The following ALDH7A1 variants were observed in gnomAD, a reference collection of about 807,000 sequenced individuals.
ALDH7A1 encodes alpha-aminoadipic semialdehyde dehydrogenase.
In ALDH7A1, 63 loss-of-function variants were observed where a neutral mutation model predicts 79.9. The ratio of observed to expected loss-of-function variants is 0.79; its 90% CI spans 0.64 to 0.97. The LOEUF is 0.97. Ranked by LOEUF, ALDH7A1 falls within the 50% of genes least tolerant of loss-of-function variation. ALDH7A1 has a pLI of 0.00. For missense variants in ALDH7A1, 627 were observed against 665.2 expected (o/e 0.94, Z 0.63); for synonymous variants, 240 against 231.2 (o/e 1.04, Z -0.34).
At chr5:126,572,723 T>C (rs1022985622) in intron 7 of ALDH7A1, among the ~76,000 whole-genome samples, 1 of 152,214 alleles carries the variant, frequency 6.6e-6, no homozygotes, top group Non-Finnish European at 1.5e-5. Context: ...AGATTTTGGT[T>C]TCTGTGGGGC....
At chr5:126,564,314 T>C (rs1213147710) in intron 9 of ALDH7A1, 3 of 298,984 alleles carry the variant, frequency 1.0e-5, no homozygotes, top group Non-Finnish European at 1.8e-5. Context: ...CCTAGCTAAT[T>C]TTTTTGTATT....
intron 4 of ALDH7A1, 90 bp from the exon 5 acceptor site, chr5:126,583,064 T>C: frequency 6.8e-7 from 1 of 1,470,760 alleles, no homozygotes; most frequent in South Asian, 1.2e-5. Flanking sequence ...AAACATGTTT[T>C]GTAAATGTAA....
chr5:126,573,758 T>C (rs1391734894), intron 7 of ALDH7A1, among the ~76,000 whole-genome samples: 1 of 150,904 alleles, frequency 6.6e-6, no homozygotes, highest in Non-Finnish European at 1.5e-5. Context: ...TCCCAGCTAC[T>C]TGGGAGGTTG....
chr5:126,575,566 C>CTGCT, intron 6 of ALDH7A1, 102 bp from the exon 7 acceptor site: 1 of 1,059,372 alleles, frequency 9.4e-7, no homozygotes. Flanking sequence ...AGAAAAAGCT[C>CTGCT]TGTCCAATTA....
chr5:126,589,783 G>A (rs1375435805), intron 3 of ALDH7A1, among the ~76,000 whole-genome samples: 1 of 150,816 alleles, frequency 6.6e-6, no homozygotes, highest in Admixed American at 6.6e-5. Flanking sequence ...GGGAAGTGAG[G>A]AGCGCCTCTG....
chr5:126,582,824 C>G (rs764399531), intron 5 of ALDH7A1, 27 bp downstream of exon 5: 1 of 1,611,592 alleles, frequency 6.2e-7, no homozygotes, highest in Non-Finnish European at 8.5e-7. Context: ...GAGTACAAAA[C>G]TCAGCTTAAC....
rs768446830 is a variant in ALDH7A1, at chr5:126,567,478, C to CTT, written c.871+779_871+780dup. On this transcript the variant is annotated intron_variant, in intron 9 of 17. Coordinates refer to ENST00000409134, the MANE Select transcript of ALDH7A1 (RefSeq NM_001182.5). Reference sequence around the variant, plus strand: ...GAGAGAAAATGACTTCCTTTCATAACTTTTTTTTTTTTTTAGACGGAGTCT... The same window carrying CTT: ...GAGAGAAAATGACTTCCTTTCATAACTTTTTTTTTTTTTTTTAGACGGAGTCT... Among the ~76,000 whole-genome samples, 308 of 146,138 alleles carry CTT rather than the reference C, an allele frequency of 2.1e-3. 1 individual carries two copies. Among genetic ancestry groups the CTT allele is most frequent in the African/African-American group, 7.4e-3 (295 of 40,112 alleles).
chr5:126,572,954 C>T (rs1750826487), intron 7 of ALDH7A1, among the ~76,000 whole-genome samples: 1 of 152,092 alleles, frequency 6.6e-6, no homozygotes, highest in African/African-American at 2.4e-5. Context: ...TTACGAAGAC[C>T]TCTTTGTAGC....
chr5:126,589,050 A>C (rs1283004184), intron 3 of ALDH7A1: 2 of 152,116 alleles, frequency 1.3e-5, no homozygotes, highest in Non-Finnish European at 1.5e-5. Flanking sequence ...AAAAAAAAAA[A>C]AGAAGAAAAG....
intron 7 of ALDH7A1, among the ~76,000 whole-genome samples, chr5:126,571,334 C>T (rs1237232379): frequency 1.3e-5 from 2 of 151,128 alleles, no homozygotes; most frequent in African/African-American, 2.4e-5. Context: ...AAAAATTAGC[C>T]GAGAGTGACG....
At chr5:126,591,127 A>G (rs1369572685) in intron 3 of ALDH7A1, among the ~76,000 whole-genome samples, 12 of 152,188 alleles carry the variant, frequency 7.9e-5, no homozygotes, top group Non-Finnish European at 1.6e-4. Flanking sequence ...TTTCTAAAAA[A>G]AAAGAATATT....
At chr5:126,563,869 G>GC (rs1227845032) in intron 9 of ALDH7A1, among the ~76,000 whole-genome samples, 1 of 151,624 alleles carries the variant, frequency 6.6e-6, no homozygotes, top group Non-Finnish European at 1.5e-5. Context: ...GCTCACTGCA[G>GC]CCTCAATTTC....
rs370117983 is a variant in ALDH7A1 at position 126,594,414 on chromosome 5, A to C, written c.192+593T>G. ...TGTGCCACATTTCTCACAAGACCAT[A>C]GATCCCAAGACCATAAGGTTTTAAT... On this transcript the variant is annotated intron_variant, in intron 1 of 17. Coordinates refer to ENST00000409134, the MANE Select transcript of ALDH7A1 (RefSeq NM_001182.5). 33 of 342,860 alleles carry C rather than the reference A, an allele frequency of 9.6e-5. No homozygotes were observed. In the East Asian group the frequency reaches 1.5e-3, roughly 15 times the overall value. 21.2% of individuals were successfully genotyped at this position (342,860 alleles called of 1,614,324 possible). A position where few individuals can be genotyped will look rare whatever the true frequency, so the allele number is the denominator to read the frequency against.
At chr5:126,547,509 G>A (rs1749830521) in intron 16 of ALDH7A1, among the ~76,000 whole-genome samples, 1 of 152,140 alleles carries the variant, frequency 6.6e-6, no homozygotes, top group Non-Finnish European at 1.5e-5. Context: ...GGCCCTCCCT[G>A]CCTCTGTTTT....
intron 1 of ALDH7A1, chr5:126,593,922 G>C (rs944222571): frequency 1.8e-5 from 5 of 271,408 alleles, no homozygotes; most frequent in Admixed American, 9.6e-5. Flanking sequence ...GAAACACCGA[G>C]GTCTGAGGAG....
intron 15 of ALDH7A1, 22 bp from the exon 16 acceptor site, chr5:126,550,024 G>A: frequency 1.9e-6 from 3 of 1,608,686 alleles, no homozygotes; most frequent in African/African-American, 1.3e-5. Context: ...GGGAGGCATG[G>A]TGAGAGCAAT....
intron 3 of ALDH7A1, 126 bp from the exon 4 acceptor site, chr5:126,584,138 A>G: frequency 1.2e-6 from 1 of 831,326 alleles, no homozygotes; most frequent in Non-Finnish European, 2.0e-6. Flanking sequence ...GATCACATCA[A>G]AACTGTGATA....
chr5:126,551,959 A>G lies in ALDH7A1; in HGVS notation c.1317+62T>C, dbSNP rs1581359622. ...AGGTTCATCCAGTGAAATTTAATCC[A>G]CCATCATTTTCCTCTTATCATTTAT... On this transcript the variant is annotated intron_variant, in intron 14 of 17. Coordinates refer to ENST00000409134, the MANE Select transcript of ALDH7A1 (RefSeq NM_001182.5). The G allele has an allele frequency of 1.0e-5, 13 of 1,284,952 alleles. No individual in the cohort carries two copies. The Admixed American group carries it at 2.0e-4, about 20-fold the overall frequency. The allele number at this position is 1,284,952 out of a possible 1,614,324, so 79.6% of individuals were successfully genotyped here.
intron 9 of ALDH7A1, among the ~76,000 whole-genome samples, chr5:126,566,178 A>G (rs1305825275): frequency 6.6e-6 from 1 of 152,130 alleles, no homozygotes; most frequent in Non-Finnish European, 1.5e-5. Context: ...CCATATTGAA[A>G]CCTTAACAAT....
Sources: allele counts gnomAD v4.1 joint callset (sites outside exome capture counted in the v4.1 genomes callset), GRCh38; gene constraint gnomAD v4.1.1; transcripts MANE v1.5; gene names NCBI Gene and HGNC (gene_info 2026-07-23, HGNC 2026-07-21).